GRIK2: variants seen among roughly 807,000 people sequenced by gnomAD.
GRIK2 encodes glutamate receptor ionotropic, kainate 2.
In GRIK2, 32 loss-of-function variants were observed where a neutral mutation model predicts 100.3. The ratio of observed to expected loss-of-function variants is 0.32; its 90% CI spans 0.24 to 0.43. GRIK2 has a LOEUF of 0.43. Among genes scored for constraint, GRIK2 ranks in the 20% least tolerant of loss-of-function variants. The pLI is 1.00. For synonymous variants in GRIK2, 417 were observed against 389.4 expected, an observed-to-expected ratio of 1.07 and a Z score of -0.83; for missense variants, 843 against 1,114.9, an observed-to-expected ratio of 0.76 and a Z score of 3.47.
chr6:102,033,473 G>GTAAC (rs1348461864), intron 14 of GRIK2, among the ~76,000 whole-genome samples: 2 of 151,254 alleles, frequency 1.3e-5, no homozygotes, highest in African/African-American at 4.8e-5. Context: ...CTGTAACAAT[G>GTAAC]TAACTGTTTT....
intron 10 of GRIK2, among the ~76,000 whole-genome samples, chr6:101,840,326 C>T (rs1409175033): frequency 6.6e-6 from 1 of 152,160 alleles, no homozygotes; most frequent in Non-Finnish European, 1.5e-5. Context: ...ATACCTGCAA[C>T]CTAACTTCAT....
intron 7 of GRIK2, among the ~76,000 whole-genome samples, chr6:101,747,751 T>C (rs1311210619): frequency 1.3e-5 from 2 of 152,210 alleles, no homozygotes; most frequent in Admixed American, 6.5e-5. Context: ...TCAGAATTAC[T>C]AAATAAGAAT....
chr6:101,975,722 A>T (rs1275222625), intron 14 of GRIK2, among the ~76,000 whole-genome samples: 1 of 151,940 alleles, frequency 6.6e-6, no homozygotes, highest in East Asian at 1.9e-4. Flanking sequence ...GGGCAGGTGG[A>T]GTCAGGTAGT....
intron 2 of GRIK2, among the ~76,000 whole-genome samples, chr6:101,473,720 G>A (rs887798291): frequency 2.6e-5 from 4 of 151,666 alleles, no homozygotes; most frequent in Non-Finnish European, 4.4e-5. Flanking sequence ...TATTTTCAAC[G>A]TACTGGGTGC....
At chr6:102,027,054 C>T (rs1246146224) in intron 14 of GRIK2, among the ~76,000 whole-genome samples, 1 of 151,202 alleles carries the variant, frequency 6.6e-6, no homozygotes, top group Non-Finnish European at 1.5e-5. Context: ...GAAATCTCAG[C>T]CAGAATCTCT....
At chr6:101,593,381 C>CATA (rs1554225541) in intron 2 of GRIK2, among the ~76,000 whole-genome samples, 1 of 151,682 alleles carries the variant, frequency 6.6e-6, no homozygotes, top group Non-Finnish European at 1.5e-5. Context: ...TAATGAGCAT[C>CATA]ATAATAATAA....
chr6:101,745,170 A>G (rs1169780442), intron 7 of GRIK2: 1 of 152,126 alleles, frequency 6.6e-6, no homozygotes, highest in Admixed American at 6.5e-5. Flanking sequence ...GTTTTTTTCA[A>G]TTTTTGATAA....
chr6:101,787,796 C>T (rs1039759297), intron 7 of GRIK2, among the ~76,000 whole-genome samples: 1 of 152,084 alleles, frequency 6.6e-6, no homozygotes, highest in Non-Finnish European at 1.5e-5. Context: ...ATGAAAGGTT[C>T]TGTAAATGTC....
At chr6:101,441,962 A>C (rs1582459659) in intron 2 of GRIK2, among the ~76,000 whole-genome samples, 1 of 131,054 alleles carries the variant, frequency 7.6e-6, no homozygotes, top group East Asian at 2.0e-4. Context: ...TTTGGGAGAT[A>C]CAAAAAAAAA....
chr6:101,638,069 T>C (rs1781108115), intron 4 of GRIK2, among the ~76,000 whole-genome samples: 1 of 152,010 alleles, frequency 6.6e-6, no homozygotes, highest in South Asian at 2.1e-4. Flanking sequence ...GTAGTAAGTC[T>C]TATTTTTAGC....
chr6:101,580,666 C>T (rs570435768), intron 2 of GRIK2, among the ~76,000 whole-genome samples: 2 of 152,252 alleles, frequency 1.3e-5, no homozygotes, highest in South Asian at 4.1e-4. Flanking sequence ...CTAACCCCCA[C>T]TTCCCACCCG....
intron 9 of GRIK2, among the ~76,000 whole-genome samples, chr6:101,805,312 T>TG (rs1780927406): frequency 3.8e-5 from 5 of 130,186 alleles, no homozygotes; most frequent in Non-Finnish European, 7.8e-5. Flanking sequence ...ATTCATCACC[T>TG]TAAAAAAAAA....
chr6:101,420,405 T>C (rs1293541655), intron 2 of GRIK2, among the ~76,000 whole-genome samples: 1 of 152,218 alleles, frequency 6.6e-6, no homozygotes, highest in African/African-American at 2.4e-5. Context: ...GGTTGAACCA[T>C]ATGAAATTGC....
intron 4 of GRIK2, among the ~76,000 whole-genome samples, chr6:101,658,630 C>T (rs140820822): frequency 6.6e-6 from 1 of 151,652 alleles, no homozygotes; most frequent in African/African-American, 2.4e-5. Context: ...AATCACCACT[C>T]TGTCTTCCAC....
At chr6:101,778,346 T>A (rs531232999) in intron 7 of GRIK2, among the ~76,000 whole-genome samples, 36 of 152,284 alleles carry the variant, frequency 2.4e-4, no homozygotes, top group African/African-American at 8.4e-4. Context: ...AATAGATGTA[T>A]GAGAGTAAAA....
chr6:101,680,817 A>G (rs913303994), intron 5 of GRIK2, among the ~76,000 whole-genome samples: 1 of 152,158 alleles, frequency 6.6e-6, no homozygotes, highest in Non-Finnish European at 1.5e-5. Flanking sequence ...TGTATTTAAT[A>G]AGGGAAATTC....
chr6:101,957,435 T>C (rs1792008516), intron 14 of GRIK2, among the ~76,000 whole-genome samples: 1 of 151,776 alleles, frequency 6.6e-6, no homozygotes, highest in African/African-American at 2.4e-5. Context: ...TTCCATTCTG[T>C]AGGTTATTAG....
chr6:101,889,510 C>T, intron 11 of GRIK2, 130 bp from the exon 12 acceptor site: 1 of 577,620 alleles, frequency 1.7e-6, no homozygotes. Flanking sequence ...ATAATCGTTA[C>T]TGAGGCAATT....
intron 11 of GRIK2, among the ~76,000 whole-genome samples, chr6:101,869,183 G>A (rs961856167): frequency 6.6e-6 from 1 of 151,732 alleles, no homozygotes; most frequent in Non-Finnish European, 1.5e-5. Context: ...CGGTGTACTT[G>A]GTCAGGTTTA....
Sources: allele counts gnomAD v4.1 joint callset (sites outside exome capture counted in the v4.1 genomes callset), GRCh38; gene constraint gnomAD v4.1.1; transcripts MANE v1.5; gene names NCBI Gene and HGNC (gene_info 2026-07-23, HGNC 2026-07-21).